The following LAMB4 variants were observed in gnomAD, a reference collection of about 807,000 sequenced individuals.
LAMB4 encodes laminin subunit beta 4, also known as laminin subunit beta-4.
A neutral mutation model predicts 199.2 loss-of-function variants in LAMB4; 196 were observed. The observed-to-expected ratio is 0.98, with a 90% CI of 0.88 to 1.11. The LOEUF (loss-of-function observed/expected upper bound fraction) is 1.11, where lower values mean the gene tolerates loss of function less well. LAMB4 is among the 50% of genes least tolerant of loss of function. LAMB4 has a pLI of 0.00. For missense variants in LAMB4, 2,080 were observed against 2,171.2 expected (o/e 0.96, Z 0.83); for synonymous variants, 744 against 770.6 (o/e 0.97, Z 0.57).
chr7:108,082,750 C>A (rs549454375), intron 14 of LAMB4, among the ~76,000 whole-genome samples: 1 of 152,224 alleles, frequency 6.6e-6, no homozygotes, highest in East Asian at 1.9e-4. Context: ...AAATGAGCCC[C>A]CTGCCCCACA....
intron 23 of LAMB4, among the ~76,000 whole-genome samples, chr7:108,059,849 C>T (rs1253621144): frequency 5.9e-5 from 9 of 152,210 alleles, no homozygotes; most frequent in Admixed American, 2.0e-4. Context: ...GTTAACATTT[C>T]ATCTCCTTGT....
chr7:108,055,471 G>A (rs549754138), intron 25 of LAMB4, among the ~76,000 whole-genome samples, 161 bp downstream of exon 25: 2 of 152,308 alleles, frequency 1.3e-5, no homozygotes, highest in South Asian at 4.1e-4. Context: ...ACAAGCGTGA[G>A]CTATGGCGCC....
At chr7:108,062,602 T>G in intron 23 of LAMB4, 172 bp downstream of exon 23, 1 of 399,862 alleles carries the variant, frequency 2.5e-6, no homozygotes, top group Non-Finnish European at 4.4e-6. Flanking sequence ...TCATTCTCTT[T>G]TTTTGGTTTT....
chr7:108,116,531 C>T (rs2038413973), intron 2 of LAMB4, among the ~76,000 whole-genome samples: 1 of 152,018 alleles, frequency 6.6e-6, no homozygotes, highest in Non-Finnish European at 1.5e-5. Context: ...CAATGGACAC[C>T]CGCATATGAA....
At chr7:108,050,161 A>G (rs1181633395) in intron 26 of LAMB4, among the ~76,000 whole-genome samples, 1 of 152,182 alleles carries the variant, frequency 6.6e-6, no homozygotes, top group Non-Finnish European at 1.5e-5. Flanking sequence ...ATTTACAAAG[A>G]CAGGCTGTGG....
chr7:108,090,681 C>T (rs2037364898), intron 14 of LAMB4, among the ~76,000 whole-genome samples: 1 of 152,062 alleles, frequency 6.6e-6, no homozygotes, highest in Admixed American at 6.6e-5. Flanking sequence ...ATTCTGTTTT[C>T]CCATCTAAAA....
chr7:108,076,880 T>C lies in LAMB4; in HGVS notation c.2124+64A>G, dbSNP rs112091402. On this transcript the variant is annotated intron_variant, in intron 17 of 33. Coordinates refer to ENST00000388781, the MANE Select transcript of LAMB4 (RefSeq NM_007356.3). ...TTAAAGAAATATTTCACTAGTGAGT[T>C]TAAAAGTAGTTATAACGGTGCTTAG... 3.7e-3 allele frequency: 5,685 copies of C among 1,555,626 alleles called. 156 individuals are homozygous for C. The African/African-American group carries it at 0.062, about 17-fold the overall frequency.
intron 23 of LAMB4, chr7:108,062,461 G>T: frequency 5.2e-6 from 1 of 191,814 alleles, no homozygotes; most frequent in Non-Finnish European, 1.1e-5. Context: ...CTATTTCTTA[G>T]GTCTTCCCTA....
intron 15 of LAMB4, among the ~76,000 whole-genome samples, chr7:108,079,263 T>C (rs2036832518): frequency 6.6e-6 from 1 of 152,198 alleles, no homozygotes; most frequent in African/African-American, 2.4e-5. Flanking sequence ...GCACATGTGT[T>C]GGTTTATTAA....
intron 23 of LAMB4, among the ~76,000 whole-genome samples, chr7:108,061,947 C>T (rs527421278): frequency 7.2e-5 from 11 of 152,182 alleles, no homozygotes; most frequent in African/African-American, 1.2e-4. Flanking sequence ...TTCTTAAATT[C>T]GCATTTTCAT....
chr7:108,055,523 A>G (rs779937219), intron 25 of LAMB4, 109 bp downstream of exon 25: 11 of 1,181,162 alleles, frequency 9.3e-6, no homozygotes, highest in Non-Finnish European at 1.3e-5. Flanking sequence ...TCAGTCCCCT[A>G]AAGTCAACAT....
At chr7:108,017,944 G>T in the LAMB4 span, among the ~76,000 whole-genome samples, 1 of 152,228 alleles carries the variant, frequency 6.6e-6, no homozygotes, top group Non-Finnish European at 1.5e-5. Flanking sequence ...ATTCAGGCAG[G>T]CTGTGAATCG....
At chr7:108,093,195 T>A (rs1372710786) in intron 12 of LAMB4, among the ~76,000 whole-genome samples, 3 of 151,998 alleles carry the variant, frequency 2.0e-5, no homozygotes, top group African/African-American at 7.3e-5. Context: ...GCCTCCCGAG[T>A]AGCTGGGATT....
At chr7:108,127,111 C>T (rs2038817150) in intron 1 of LAMB4, among the ~76,000 whole-genome samples, 1 of 151,974 alleles carries the variant, frequency 6.6e-6, no homozygotes, top group Non-Finnish European at 1.5e-5. Context: ...CTCCTGGATT[C>T]CCTTCTAAGA....
chr7:108,085,586 C>G (rs1376137278), intron 14 of LAMB4, among the ~76,000 whole-genome samples: 1 of 151,918 alleles, frequency 6.6e-6, no homozygotes, highest in Non-Finnish European at 1.5e-5. Context: ...AACACAAGCT[C>G]TGCATTGTTA....
Position 108,030,786 on chromosome 7 carries a change from G to T in LAMB4, c.4992+20C>A, listed in dbSNP as rs73422894. 7.0e-3 allele frequency: 11,279 copies of T among 1,605,722 alleles called. 670 individuals are homozygous for T. The African/African-American group carries it at 0.13, about 18-fold the overall frequency. On this transcript the variant is annotated intron_variant, in intron 32 of 33. Coordinates refer to ENST00000388781, the MANE Select transcript of LAMB4 (RefSeq NM_007356.3). ...AAGCCCTGCTTTTCTGCTCTTGGTGGCAGTGGTAGAACTAATGACCTTCTC... is the reference window on the plus strand; with the variant it reads ...AAGCCCTGCTTTTCTGCTCTTGGTGTCAGTGGTAGAACTAATGACCTTCTC...
At chr7:108,059,942 T>G (rs1318504977) in intron 23 of LAMB4, among the ~76,000 whole-genome samples, 3 of 152,218 alleles carry the variant, frequency 2.0e-5, no homozygotes, top group Non-Finnish European at 2.9e-5. Flanking sequence ...TCTGCAAATT[T>G]GGGAAGCATG....
rs2038656196 is a variant in LAMB4, at chr7:108,123,125, A to G, written c.34+6T>C. On this transcript the variant is annotated splice_donor_region_variant and intron_variant, in intron 2 of 33. Coordinates refer to ENST00000388781, the MANE Select transcript of LAMB4 (RefSeq NM_007356.3). ...CAGTAAATAGATTTTGACAACAAAT[A>G]CTCACCAAGGTGCAAAAAAAGGGTC... 6.2e-7 allele frequency: 1 copy of G among 1,607,166 alleles called. No homozygotes were observed. The highest frequency in any genetic ancestry group is 1.3e-5 in the African/African-American group (1 of 74,672).
chr7:108,122,549 T>C (rs1356974575), intron 2 of LAMB4, among the ~76,000 whole-genome samples: 1 of 152,236 alleles, frequency 6.6e-6, no homozygotes, highest in Non-Finnish European at 1.5e-5. Flanking sequence ...AAATTCAGCA[T>C]AAATCTTTGA....
Sources: allele counts gnomAD v4.1 joint callset (sites outside exome capture counted in the v4.1 genomes callset), GRCh38; gene constraint gnomAD v4.1.1; transcripts MANE v1.5; gene names NCBI Gene and HGNC (gene_info 2026-07-23, HGNC 2026-07-21).